MYO18B: variants seen among roughly 807,000 people sequenced by gnomAD.
The protein encoded by MYO18B is myosin XVIIIB, also known as unconventional myosin-XVIIIb.
Under a neutral mutation model 273.0 loss-of-function variants are expected in MYO18B, and 204 were observed. The ratio of observed to expected loss-of-function variants is 0.75; its 90% CI spans 0.67 to 0.84. MYO18B has a LOEUF of 0.84. Among genes scored for constraint, MYO18B ranks in the 40% least tolerant of loss-of-function variants. MYO18B has a pLI of 0.00. For missense variants in MYO18B, 3,212 were observed against 3,287.6 expected (o/e 0.98, Z 0.56); for synonymous variants, 1,330 against 1,305.7 (o/e 1.02, Z -0.40).
chr22:25,991,068 G>A (rs890782587), intron 39 of MYO18B, among the ~76,000 whole-genome samples: 5 of 152,180 alleles, frequency 3.3e-5, no homozygotes, highest in Non-Finnish European at 5.9e-5. Context: ...AGCACTCCAC[G>A]CTGCCACAAT....
the MYO18B span, among the ~76,000 whole-genome samples, chr22:26,042,529 A>G: frequency 0.37 from 56,996 of 152,154 alleles, 16,256 homozygotes; most frequent in African/African-American, 0.8. Flanking sequence ...ATAGAGAGGC[A>G]GAATTAGTTC....
At chr22:25,792,312 C>T (rs1484289206) in intron 11 of MYO18B, among the ~76,000 whole-genome samples, 2 of 151,988 alleles carry the variant, frequency 1.3e-5, no homozygotes, top group Non-Finnish European at 2.9e-5. Context: ...TCAGTGAACA[C>T]TTTCTCTCCT....
intron 3 of MYO18B, 123 bp from the exon 4 acceptor site, chr22:25,767,992 C>A: frequency 1.0e-6 from 1 of 964,108 alleles, no homozygotes; most frequent in Non-Finnish European, 1.6e-6. Flanking sequence ...TGGAGGTGCT[C>A]GAGCATCTGT....
At chr22:25,964,177 G>A (rs1348492235) in intron 39 of MYO18B, 2 of 153,266 alleles carry the variant, frequency 1.3e-5, no homozygotes, top group African/African-American at 4.8e-5. Flanking sequence ...GAGTGGTGAG[G>A]GGGGAAGGGG....
At chr22:26,017,366 T>G (rs558093787) in intron 42 of MYO18B, among the ~76,000 whole-genome samples, 11 of 151,862 alleles carry the variant, frequency 7.2e-5, no homozygotes, top group African/African-American at 2.7e-4. Context: ...CTTCCTCCCT[T>G]CCTTCCTCCC....
At chr22:25,999,355 G>T (rs1933672051) in intron 40 of MYO18B, among the ~76,000 whole-genome samples, 1 of 152,148 alleles carries the variant, frequency 6.6e-6, no homozygotes, top group South Asian at 2.1e-4. Context: ...TGGGGCCAAT[G>T]AATTTACATG....
At position 25,843,828 on chromosome 22, in the gene MYO18B, G is replaced by A. The variant is rs747560645; in HGVS notation, c.3302G>A (p.Trp1101Ter). 6.2e-7 allele frequency: 1 copy of A among 1,613,824 alleles called. No homozygotes were observed. Among genetic ancestry groups the A allele is most frequent in the Non-Finnish European group, 8.5e-7 (1 of 1,179,734 alleles). ...CCTGTGCGGTACGACCTCACGGGCTGGCTCCACAGAGCCAAGCCCAACCTC... is the reference window on the plus strand; with the variant it reads ...CCTGTGCGGTACGACCTCACGGGCTAGCTCCACAGAGCCAAGCCCAACCTC... Reference protein sequence around the residue: ...WDPVRYDLTGWLHRAKPNLSA... With the variant: ...WDPVRYDLTG The change falls in exon 18 of 44, where the codon TGG becomes TAG. Residue 1101 changes from tryptophan (W) to a stop codon, truncating the protein, a stop_gained. Transcript: ENST00000335473. LOFTEE classifies it high-confidence loss of function.
At position 25,946,195 on chromosome 22, in the gene MYO18B, C is replaced by T. The variant is rs554386217; in HGVS notation, c.5576C>T (p.Ala1859Val). Residue 1859 changes from alanine (A) to valine (V), a missense_variant, in exon 35 of 44, where the codon GCG becomes GTG. Physicochemically the swap from Ala to Val is moderately conservative, Grantham distance 64. Coordinates refer to ENST00000335473, the MANE Select transcript of MYO18B (RefSeq NM_032608.7). ...TTGAAGACGCAGAAGGTGCTCACAG[C>T]GGACCTGGAGAGCATGCACAGCGAG... ...EALKTQKVLT[A>V]DLESMHSELE... The T allele has an allele frequency of 1.7e-5, 27 of 1,584,078 alleles. No individual in the cohort carries two copies. The highest frequency in any genetic ancestry group is 7.1e-5 in the Admixed American group (4 of 55,986).
intron 1 of MYO18B, among the ~76,000 whole-genome samples, chr22:25,751,897 TC>T (rs918909621): frequency 6.6e-6 from 1 of 152,104 alleles, no homozygotes; most frequent in Non-Finnish European, 1.5e-5. Context: ...AAAGTGAAAA[TC>T]TGATTGAGAG....
intron 12 of MYO18B, among the ~76,000 whole-genome samples, chr22:25,802,759 A>AC (rs1158800562): frequency 7.9e-5 from 5 of 63,180 alleles, no homozygotes; most frequent in Non-Finnish European, 1.2e-4. Flanking sequence ...TCTCAAAAAA[A>AC]AAAAAAAAAA....
Position 25,843,758 on chromosome 22 carries a change from G to A in MYO18B, c.3232G>A (p.Glu1078Lys). ...TEGSSALRTC[E>K]QPLQCEIFHQ... ...AGGGTCCTCTGCCCTGCGGACCTGT[G>A]AGCAGCCCCTCCAGTGTGAGATTTT... is the stretch of plus-strand genomic sequence containing the variant. The change falls in exon 18 of 44, where the codon GAG becomes AAG. Residue 1078 changes from glutamate to lysine, a missense_variant. Physicochemically the swap from Glu to Lys is moderately conservative, Grantham distance 56. Transcript: ENST00000335473. 2 of 1,613,794 alleles carry A rather than the reference G, an allele frequency of 1.2e-6. No individual in the cohort carries two copies. Among genetic ancestry groups the A allele is most frequent in the Non-Finnish European group, 1.7e-6 (2 of 1,179,688 alleles).
At chr22:25,991,001 A>G (rs532643501) in intron 39 of MYO18B, among the ~76,000 whole-genome samples, 1 of 150,292 alleles carries the variant, frequency 6.7e-6, no homozygotes, top group African/African-American at 2.5e-5. Flanking sequence ...TTATTTGCAT[A>G]GACTTGAGCA....
chr22:25,912,143 TA>T (rs2092170467), intron 33 of MYO18B, among the ~76,000 whole-genome samples: 1 of 152,194 alleles, frequency 6.6e-6, no homozygotes, highest in Non-Finnish European at 1.5e-5. Flanking sequence ...TATTATGTAT[TA>T]AAAAACAAAT....
chr22:25,840,275 C>T lies in MYO18B; in HGVS notation c.3209-3460C>T, dbSNP rs528050993. Among the ~76,000 whole-genome samples, 148 of 152,382 alleles carry T rather than the reference C, an allele frequency of 9.7e-4. 1 individual carries two copies. The highest frequency in any genetic ancestry group is 3.5e-3 in the African/African-American group (146 of 41,586). On this transcript the variant is annotated intron_variant, in intron 17 of 43. Transcript: ENST00000335473. ...TGTCACCATCACACAGCTCTCTTTG[C>T]TGCTCTTCAAACATAGCATGCACAT...
intron 40 of MYO18B, among the ~76,000 whole-genome samples, chr22:25,997,486 A>G (rs1447544449): frequency 6.6e-6 from 1 of 152,092 alleles, no homozygotes; most frequent in Non-Finnish European, 1.5e-5. Flanking sequence ...CTTAGGGAGC[A>G]TTTCCTAATT....
chr22:26,020,179 G>A (rs1223580465), intron 42 of MYO18B, among the ~76,000 whole-genome samples: 5 of 152,080 alleles, frequency 3.3e-5, no homozygotes, highest in African/African-American at 4.8e-5. Context: ...ATTTTGATGC[G>A]GTGATGCTTC....
chr22:25,897,087 A>G (rs1178011198), intron 28 of MYO18B: 1 of 152,160 alleles, frequency 6.6e-6, no homozygotes, highest in Non-Finnish European at 1.5e-5. Flanking sequence ...TTAAGATCTT[A>G]GCTTAAATGT....
At chr22:25,996,173 C>T (rs1933214691) in intron 40 of MYO18B, among the ~76,000 whole-genome samples, 1 of 152,196 alleles carries the variant, frequency 6.6e-6, no homozygotes, top group Non-Finnish European at 1.5e-5. Context: ...CCTCTCTGAG[C>T]CTCCGTCTCT....
At chr22:26,044,818 G>A in the MYO18B span, among the ~76,000 whole-genome samples, 2 of 152,154 alleles carry the variant, frequency 1.3e-5, no homozygotes, top group South Asian at 2.1e-4. Context: ...TGGAAGGCTG[G>A]GTACAATGCA....
Sources: gnomAD v4.1 joint callset for allele counts (sites outside exome capture counted in the v4.1 genomes callset) on GRCh38, gnomAD v4.1.1 for gene constraint, MANE v1.5 for transcripts, NCBI Gene and HGNC (gene_info 2026-07-23, HGNC 2026-07-21) for gene names.